TAFA2: variants seen among roughly 807,000 people sequenced by gnomAD.
TAFA2 encodes the protein TAFA chemokine like family member 2.
TAFA2 carries 7 observed loss-of-function variants against 18.8 expected under a neutral mutation model. The ratio of observed to expected loss-of-function variants is 0.37; its 90% CI spans 0.21 to 0.70. The LOEUF (loss-of-function observed/expected upper bound fraction) is 0.70. TAFA2 is among the 30% of genes least tolerant of loss of function. The pLI is 0.53. For synonymous variants in TAFA2, 60 were observed against 54.2 expected, an observed-to-expected ratio of 1.11 and a Z score of -0.47; for missense variants, 122 against 158.1, an observed-to-expected ratio of 0.77 and a Z score of 1.23.
intron 2 of TAFA2, among the ~76,000 whole-genome samples, chr12:61,859,062 A>G (rs1874005969): frequency 1.3e-5 from 2 of 152,266 alleles, no homozygotes; most frequent in Non-Finnish European, 2.9e-5. Flanking sequence ...TCATACTGCT[A>G]TAAAGAACTG....
chr12:62,043,207 C>T (rs142620188), intron 1 of TAFA2, among the ~76,000 whole-genome samples: 15,209 of 152,082 alleles, frequency 0.1, 971 homozygotes, highest in Non-Finnish European at 0.14. Flanking sequence ...AGACTTGGAA[C>T]CAACCCAAAT....
chr12:62,036,915 T>A (rs948653275), intron 1 of TAFA2, among the ~76,000 whole-genome samples: 8 of 152,240 alleles, frequency 5.3e-5, no homozygotes, highest in African/African-American at 1.9e-4. Context: ...TTAACTCAGT[T>A]CCTTCTGCTT....
chr12:62,021,061 T>C (rs940104724), intron 1 of TAFA2, among the ~76,000 whole-genome samples: 1 of 152,176 alleles, frequency 6.6e-6, no homozygotes, highest in African/African-American at 2.4e-5. Context: ...CTGCAAATCC[T>C]AGAACACTTA....
intron 1 of TAFA2, among the ~76,000 whole-genome samples, chr12:61,986,859 G>A (rs891278047): frequency 1.3e-5 from 2 of 152,164 alleles, no homozygotes; most frequent in Admixed American, 6.5e-5. Flanking sequence ...ATATAAATAG[G>A]ACTTGACAGA....
At chr12:62,132,901 A>C (rs919723812) in intron 1 of TAFA2, among the ~76,000 whole-genome samples, 1 of 151,960 alleles carries the variant, frequency 6.6e-6, no homozygotes, top group Non-Finnish European at 1.5e-5. Context: ...ATTTTGCAGA[A>C]GTCTAGATTC....
chr12:61,905,003 C>T (rs1028695197), intron 1 of TAFA2, among the ~76,000 whole-genome samples: 7 of 152,090 alleles, frequency 4.6e-5, no homozygotes, highest in Non-Finnish European at 1.0e-4. Flanking sequence ...TACTAAAAAG[C>T]AGTCAGAGGA....
At chr12:62,234,821 C>A in intron 1 of TAFA2, 2 of 1,029,286 alleles carry the variant, frequency 1.9e-6, no homozygotes, top group South Asian at 1.3e-5. Context: ...GGGAGTCTGG[C>A]TGACTTACGA....
intron 1 of TAFA2, among the ~76,000 whole-genome samples, chr12:61,984,746 G>A (rs993442500): frequency 2.0e-5 from 3 of 152,088 alleles, no homozygotes; most frequent in Admixed American, 6.6e-5. Context: ...GTTTAACAGT[G>A]GGTACAAGAA....
chr12:61,825,787 A>G (rs1430791137), intron 2 of TAFA2, among the ~76,000 whole-genome samples: 1 of 152,110 alleles, frequency 6.6e-6, no homozygotes, highest in Non-Finnish European at 1.5e-5. Flanking sequence ...AAAAAGATAA[A>G]GCACAAATTT....
intron 2 of TAFA2, among the ~76,000 whole-genome samples, chr12:61,774,545 A>G (rs771936446): frequency 6.6e-6 from 1 of 151,962 alleles, no homozygotes; most frequent in Non-Finnish European, 1.5e-5. Context: ...GGAGACTATT[A>G]TTTAAAGTGA....
chr12:62,132,728 G>A (rs1197511831), intron 1 of TAFA2, among the ~76,000 whole-genome samples: 1 of 151,910 alleles, frequency 6.6e-6, no homozygotes, highest in African/African-American at 2.4e-5. Context: ...ATGTTGCACA[G>A]ATAATTCAGA....
intron 2 of TAFA2, among the ~76,000 whole-genome samples, chr12:61,864,300 A>T (rs1207313599): frequency 6.6e-6 from 1 of 151,352 alleles, no homozygotes; most frequent in Non-Finnish European, 1.5e-5. Context: ...AAAACATAAA[A>T]TTGCATAAAA....
intron 1 of TAFA2, among the ~76,000 whole-genome samples, chr12:62,222,708 G>T (rs2062769049): frequency 6.6e-6 from 1 of 150,670 alleles, no homozygotes; most frequent in Non-Finnish European, 1.5e-5. Context: ...TAGAGATGGG[G>T]TTTCACCATG....
intron 1 of TAFA2, among the ~76,000 whole-genome samples, chr12:61,990,337 AT>A (rs71083969): frequency 7.8e-4 from 84 of 108,198 alleles, no homozygotes; most frequent in African/African-American, 2.6e-3. Context: ...CACTGTGCCA[AT>A]TTTTTTTTTT....
intron 1 of TAFA2, among the ~76,000 whole-genome samples, chr12:62,249,068 T>C (rs2062899561): frequency 6.6e-6 from 1 of 152,060 alleles, no homozygotes. Flanking sequence ...TTAAAAATTT[T>C]TTTTTTTCAT....
intron 1 of TAFA2, among the ~76,000 whole-genome samples, chr12:61,990,295 G>T (rs1017927245): frequency 1.3e-4 from 20 of 148,606 alleles, no homozygotes; most frequent in Non-Finnish European, 2.7e-4. Context: ...TCTTTTATTA[G>T]ACTATTTATT....
At chr12:61,806,980 C>T (rs1043494319) in intron 2 of TAFA2, among the ~76,000 whole-genome samples, 12 of 152,098 alleles carry the variant, frequency 7.9e-5, no homozygotes, top group African/African-American at 1.9e-4. Context: ...CCTGATAATG[C>T]GATAGAAAAG....
At chr12:61,931,251 G>T (rs1295407502) in intron 1 of TAFA2, among the ~76,000 whole-genome samples, 1 of 152,000 alleles carries the variant, frequency 6.6e-6, no homozygotes, top group Non-Finnish European at 1.5e-5. Flanking sequence ...ATTAATCTCT[G>T]CTATGAGCAC....
intron 1 of TAFA2, among the ~76,000 whole-genome samples, chr12:61,948,809 C>T (rs564672683): frequency 6.6e-6 from 1 of 152,142 alleles, no homozygotes; most frequent in Non-Finnish European, 1.5e-5. Flanking sequence ...GACACCTCAG[C>T]GTCTTAGCTC....
Sources: allele counts gnomAD v4.1 joint callset (sites outside exome capture counted in the v4.1 genomes callset), GRCh38; gene constraint gnomAD v4.1.1; transcripts MANE v1.5; gene names NCBI Gene and HGNC (gene_info 2026-07-23, HGNC 2026-07-21).